TTC21B: variants seen among roughly 807,000 people sequenced by gnomAD.
TTC21B encodes the protein tetratricopeptide repeat protein 21B.
A neutral mutation model predicts 175.1 loss-of-function variants in TTC21B; 127 were observed. The ratio of observed to expected loss-of-function variants is 0.73; its 90% CI spans 0.63 to 0.84. The LOEUF (loss-of-function observed/expected upper bound fraction) is 0.84. Ranked by LOEUF, TTC21B falls within the 40% of genes least tolerant of loss-of-function variation. TTC21B has a pLI of 0.00. For missense variants in TTC21B, 1,561 were observed against 1,558.3 expected, an observed-to-expected ratio of 1.00 and a Z score of -0.03; for synonymous variants, 524 against 524.5, an observed-to-expected ratio of 1.00 and a Z score of 0.01.
In TTC21B at chr2:165,897,993, G is replaced by A. The variant is rs569529113; in HGVS notation, c.2950+693C>T. ...ATTGCAGAAGTGACTTCCCTAGGGT[G>A]CAGCAGTGGATGAGACAAAGTGAAC... On this transcript the variant is annotated intron_variant, in intron 22 of 28. Transcript: ENST00000243344. Among the ~76,000 whole-genome samples the A allele has an allele frequency of 4.6e-5, 7 of 152,314 alleles. No individual in the cohort carries two copies. The South Asian group carries it at 1.2e-3, about 27-fold the overall frequency.
chr2:165,951,345 A>G (rs1249698095), intron 1 of TTC21B, among the ~76,000 whole-genome samples: 2 of 152,224 alleles, frequency 1.3e-5, no homozygotes, highest in Non-Finnish European at 2.9e-5. Context: ...TGCTGTTAGT[A>G]ATGCAAATGT....
chr2:165,923,743 G>GTTT (rs1190876494), intron 12 of TTC21B, among the ~76,000 whole-genome samples: 14,428 of 107,032 alleles, frequency 0.13, 1,309 homozygotes, highest in East Asian at 0.24. Flanking sequence ...CGCCCAGCTG[G>GTTT]TTTTTTTTTT....
At chr2:165,924,444 A>AT (rs1289451902) in intron 12 of TTC21B, 105 bp downstream of exon 12, 1 of 1,113,702 alleles carries the variant, frequency 9.0e-7, no homozygotes, top group Non-Finnish European at 1.3e-6. Flanking sequence ...TAAAATGTAC[A>AT]TTTTATGTGA....
intron 19 of TTC21B, among the ~76,000 whole-genome samples, chr2:165,903,038 TG>T (rs1232385663): frequency 1.3e-5 from 2 of 152,212 alleles, no homozygotes; most frequent in Non-Finnish European, 2.9e-5. Context: ...GGCCCTACAC[TG>T]TTTTACATCT....
chr2:165,894,597 C>A (rs970417305), intron 22 of TTC21B, among the ~76,000 whole-genome samples: 2 of 152,126 alleles, frequency 1.3e-5, no homozygotes, highest in African/African-American at 4.8e-5. Flanking sequence ...GTTTTTGAGA[C>A]CAAGTCTCAC....
chr2:165,911,878 T>G (rs1685961208), intron 17 of TTC21B, among the ~76,000 whole-genome samples: 1 of 152,128 alleles, frequency 6.6e-6, no homozygotes, highest in Admixed American at 6.5e-5. Context: ...TTGGCCAGGC[T>G]GGTTTCAAAC....
Position 165,949,734 on chromosome 2 carries a change from A to C in TTC21B, c.22-10T>G. ...AGTAATTAATCAAAGTCTAAATGGA[A>C]ATAATGAAAAAATGTTATAAAGGAA... is the stretch of plus-strand genomic sequence containing the variant. On this transcript the variant is annotated splice_polypyrimidine_tract_variant and intron_variant, in intron 1 of 28. Coordinates refer to ENST00000243344, the MANE Select transcript of TTC21B (RefSeq NM_024753.5). The C allele has an allele frequency of 6.2e-7, 1 of 1,606,086 alleles. No homozygotes were observed. The highest frequency in any genetic ancestry group is 8.5e-7 in the Non-Finnish European group (1 of 1,173,514).
chr2:165,911,462 T>C lies in TTC21B; in HGVS notation c.2326A>G (p.Ile776Val), dbSNP rs1185370524. Reference protein sequence around the residue: ...LIKTHNYSMAITYYEAALKTG... With the variant: ...LIKTHNYSMAVTYYEAALKTG... Reference sequence around the variant, plus strand: ...TTCAGAGCAGCTTCATAGTAAGTGATTGCCTAAACAAAATTCATTCCATTT... The same window carrying C: ...TTCAGAGCAGCTTCATAGTAAGTGACTGCCTAAACAAAATTCATTCCATTT... Residue 776 changes from isoleucine (I) to valine (V), a missense_variant, in exon 18 of 29, where the codon ATC becomes GTC. Coordinates refer to ENST00000243344, the MANE Select transcript of TTC21B (RefSeq NM_024753.5). 1.2e-6 allele frequency: 2 copies of C among 1,613,710 alleles called. No homozygotes were observed. Among genetic ancestry groups the C allele is most frequent in the Admixed American group, 1.7e-5 (1 of 59,998 alleles).
intron 22 of TTC21B, 107 bp from the exon 23 acceptor site, chr2:165,891,095 T>A: frequency 1.0e-6 from 1 of 989,632 alleles, no homozygotes; most frequent in Non-Finnish European, 1.5e-6. Flanking sequence ...AAAGTACATT[T>A]TAAATATAAA....
rs115565386 is a variant in TTC21B, at chr2:165,893,359, G to A, written c.2951-2371C>T. Among the ~76,000 whole-genome samples the A allele has an allele frequency of 7.5e-3, 1,145 of 152,020 alleles. 16 individuals carry two copies. The highest frequency in any genetic ancestry group is 0.026 in the African/African-American group (1,087 of 41,458). ...AGCAAGAACTAAAGGTTAAAATTTC[G>A]GATTAAATTTTTTTTGCATGATACT... is the stretch of plus-strand genomic sequence containing the variant. On this transcript the variant is annotated intron_variant, in intron 22 of 28. Coordinates refer to ENST00000243344, the MANE Select transcript of TTC21B (RefSeq NM_024753.5).
chr2:165,928,125 A>G (rs1686743813), intron 11 of TTC21B, among the ~76,000 whole-genome samples: 1 of 152,212 alleles, frequency 6.6e-6, no homozygotes, highest in Admixed American at 6.6e-5. Context: ...CTTGGAAAAG[A>G]ACATTATAGT....
chr2:165,949,403 G>A lies in TTC21B; in HGVS notation c.253C>T (p.Pro85Ser). 1.2e-6 allele frequency: 2 copies of A among 1,608,100 alleles called. No individual in the cohort carries two copies. Among genetic ancestry groups the A allele is most frequent in the African/African-American group, 1.3e-5 (1 of 74,906 alleles). The change falls in exon 3 of 29, where the codon CCT becomes TCT. Residue 85 changes from proline to serine, a missense_variant. Transcript: ENST00000243344. ...CATTTAAATATCATACCTGGATTAG[G>A]ACTCATTTTATGGGCATATATCAGT... is the stretch of plus-strand genomic sequence containing the variant. ...LALIYAHKMSPNPDREAILES... is the reference protein window; with the variant it reads ...LALIYAHKMSSNPDREAILES...
intron 22 of TTC21B, 117 bp downstream of exon 22, chr2:165,898,569 A>C: frequency 1.3e-6 from 1 of 744,806 alleles, no homozygotes; most frequent in Non-Finnish European, 2.5e-6. Flanking sequence ...TGGAATAAAC[A>C]GACAGTCTGA....
intron 14 of TTC21B, among the ~76,000 whole-genome samples, chr2:165,916,430 A>T (rs1005998401): frequency 6.6e-6 from 1 of 152,202 alleles, no homozygotes; most frequent in South Asian, 2.1e-4. Context: ...CAAAGTTGTA[A>T]TTCTCCCAGA....
rs1052210937 is a variant in TTC21B, at chr2:165,883,737, T to C, written c.3684+57A>G. 9 of 1,341,642 alleles carry C rather than the reference T, an allele frequency of 6.7e-6. No individual in the cohort carries two copies. In the African/African-American group the frequency reaches 7.2e-5, roughly 11 times the overall value. The allele number at this position is 1,341,642 out of a possible 1,614,324, so 83.1% of individuals were successfully genotyped here. ...ATGGACTAACACTCAACAATATCTA[T>C]ATGGAAAGCTTATGCAACAAAGGTC... On this transcript the variant is annotated intron_variant, in intron 26 of 28. Transcript: ENST00000243344.
chr2:165,922,455 C>A (rs927095902), intron 12 of TTC21B, among the ~76,000 whole-genome samples: 1 of 150,128 alleles, frequency 6.7e-6, no homozygotes, highest in Admixed American at 6.7e-5. Flanking sequence ...TACAAATGGC[C>A]CATAAACATT....
chr2:165,920,624 A>C (rs1206840920), intron 12 of TTC21B, among the ~76,000 whole-genome samples: 6 of 152,184 alleles, frequency 3.9e-5, no homozygotes, highest in African/African-American at 1.2e-4. Flanking sequence ...AACAGGAGAA[A>C]GTGCATAGAG....
intron 1 of TTC21B, among the ~76,000 whole-genome samples, chr2:165,951,538 T>A (rs1310905444): frequency 6.6e-6 from 1 of 152,190 alleles, no homozygotes; most frequent in Non-Finnish European, 1.5e-5. Context: ...TACTCATGAA[T>A]CCTCCCTTCC....
chr2:165,920,302 TCAA>T lies in TTC21B; in HGVS notation c.1517-872_1517-870del, dbSNP rs199937883. On this transcript the variant is annotated intron_variant, in intron 12 of 28. Transcript: ENST00000243344. ...CCCTCAAACTCACCTGATGCCTCAG[TCAA>T]CAAAATAAGGCTTAACTTACTGGTA... Among the ~76,000 whole-genome samples, 1,339 of 152,232 alleles carry T rather than the reference TCAA, an allele frequency of 8.8e-3. 19 individuals are homozygous for T. The highest frequency in any genetic ancestry group is 0.031 in the African/African-American group (1,277 of 41,534).
Sources: allele counts gnomAD v4.1 joint callset (sites outside exome capture counted in the v4.1 genomes callset), GRCh38; gene constraint gnomAD v4.1.1; transcripts MANE v1.5; gene names NCBI Gene and HGNC (gene_info 2026-07-23, HGNC 2026-07-21).